The following WDFY2 variants were observed in gnomAD, a reference collection of about 807,000 sequenced individuals.
WDFY2 encodes the protein WD repeat and FYVE domain-containing protein 2.
In WDFY2, 36 loss-of-function variants were observed where a neutral mutation model predicts 56.4. That is an observed-to-expected ratio of 0.64 (90% CI 0.49 to 0.84). The LOEUF is 0.84. Ranked by LOEUF, WDFY2 falls within the 40% of genes least tolerant of loss-of-function variation. The pLI is 0.00. For missense variants in WDFY2, 444 were observed against 512.2 expected (o/e 0.87, Z 1.29); for synonymous variants, 176 against 183.7 (o/e 0.96, Z 0.34).
chr13:51,616,721 T>C (rs1005164900), intron 1 of WDFY2, among the ~76,000 whole-genome samples: 5 of 152,208 alleles, frequency 3.3e-5, no homozygotes, highest in African/African-American at 9.6e-5. Flanking sequence ...TGGTCGTGGC[T>C]AAATTTAAGG....
At chr13:51,681,224 C>T (rs531893630) in intron 3 of WDFY2, among the ~76,000 whole-genome samples, 95 of 152,266 alleles carry the variant, frequency 6.2e-4, no homozygotes, top group African/African-American at 2.2e-3. Context: ...CCTTAATCAG[C>T]TTCAAAACAG....
At chr13:51,686,248 G>A (rs2138530086) in intron 3 of WDFY2, among the ~76,000 whole-genome samples, 1 of 152,154 alleles carries the variant, frequency 6.6e-6, no homozygotes, top group South Asian at 2.1e-4. Context: ...ATACTCCTCA[G>A]TTTACTCACT....
At chr13:51,603,904 G>T (rs1954334753) in intron 1 of WDFY2, among the ~76,000 whole-genome samples, 2 of 152,200 alleles carry the variant, frequency 1.3e-5, no homozygotes, top group South Asian at 4.1e-4. Flanking sequence ...GCTTTACCTG[G>T]GTATCAGAAA....
At chr13:51,636,957 A>G (rs1257331622) in intron 1 of WDFY2, among the ~76,000 whole-genome samples, 1 of 152,262 alleles carries the variant, frequency 6.6e-6, no homozygotes, top group Non-Finnish European at 1.5e-5. Context: ...CAGATCATAG[A>G]CTTAAATGTA....
intron 3 of WDFY2, among the ~76,000 whole-genome samples, 165 bp downstream of exon 3, chr13:51,675,408 A>C (rs1955869540): frequency 6.6e-6 from 1 of 152,186 alleles, no homozygotes; most frequent in Non-Finnish European, 1.5e-5. Flanking sequence ...TAATGTAGGG[A>C]GAGCTATCAT....
At chr13:51,754,258 CCAAA>C (rs758782121) in intron 8 of WDFY2, among the ~76,000 whole-genome samples, 3 of 152,054 alleles carry the variant, frequency 2.0e-5, no homozygotes, top group Admixed American at 6.6e-5. Context: ...TCTCTGTTTC[CCAAA>C]CAAAGGGCGT....
intron 1 of WDFY2, chr13:51,587,155 A>C (rs544644138): frequency 6.6e-6 from 1 of 152,320 alleles, no homozygotes; most frequent in South Asian, 2.1e-4. Flanking sequence ...GTGTTCCATA[A>C]ATTCTTAATG....
At chr13:51,694,132 T>C (rs1438835107) in intron 3 of WDFY2, among the ~76,000 whole-genome samples, 2 of 152,210 alleles carry the variant, frequency 1.3e-5, no homozygotes, top group African/African-American at 4.8e-5. Flanking sequence ...CTTGACTCTT[T>C]ATCCAATTTG....
At chr13:51,619,147 A>G (rs1256902330) in intron 1 of WDFY2, among the ~76,000 whole-genome samples, 1 of 152,234 alleles carries the variant, frequency 6.6e-6, no homozygotes, top group Non-Finnish European at 1.5e-5. Flanking sequence ...TCCATCTTCA[A>G]AAACAGGCAA....
intron 1 of WDFY2, among the ~76,000 whole-genome samples, chr13:51,630,933 C>T (rs1954939986): frequency 6.6e-6 from 1 of 151,498 alleles, no homozygotes; most frequent in Non-Finnish European, 1.5e-5. Flanking sequence ...TGTGTGCCAC[C>T]ACGCCCAGCT....
chr13:51,642,028 A>T (rs1185001130), intron 1 of WDFY2, among the ~76,000 whole-genome samples: 1 of 152,020 alleles, frequency 6.6e-6, no homozygotes, highest in African/African-American at 2.4e-5. Flanking sequence ...AATTTATCTA[A>T]GAGTCTGAGA....
intron 3 of WDFY2, among the ~76,000 whole-genome samples, chr13:51,682,896 C>T (rs1956001909): frequency 6.6e-6 from 1 of 152,136 alleles, no homozygotes; most frequent in African/African-American, 2.4e-5. Flanking sequence ...TGGCATATTC[C>T]TTAGGACTAT....
At chr13:51,749,965 C>T (rs1207925341) in intron 7 of WDFY2, among the ~76,000 whole-genome samples, 1 of 152,118 alleles carries the variant, frequency 6.6e-6, no homozygotes, top group African/African-American at 2.4e-5. Context: ...GTTCACTTGA[C>T]CAGCTATCCT....
chr13:51,585,063 C>G (rs1001341990), intron 1 of WDFY2, among the ~76,000 whole-genome samples: 1 of 152,228 alleles, frequency 6.6e-6, no homozygotes, highest in African/African-American at 2.4e-5. Flanking sequence ...CTGGGTAGTG[C>G]CTGCGGGAGC....
rs1424018630 is a variant in WDFY2, at chr13:51,762,613, C to T, written c.*2844C>T. 1 of 152,188 alleles carries T rather than the reference C, an allele frequency of 6.6e-6. No individual in the cohort carries two copies. The highest frequency in any genetic ancestry group is 1.5e-5 in the Non-Finnish European group (1 of 68,038). The allele number at this position is 152,188 out of a possible 1,614,324, so 9.4% of individuals were successfully genotyped here. A position where few individuals can be genotyped will look rare whatever the true frequency, so the allele number is the denominator to read the frequency against. On this transcript the variant is annotated 3_prime_UTR_variant, in exon 12 of 12. Transcript: ENST00000298125. ...ATATGTGCTGGTGTTGGGTGTCTTC[C>T]AAGCATTTTATGGAAATGGAGGCTC...
At position 51,765,955 on chromosome 13, in the gene WDFY2, G is replaced by C. The variant is rs966287970; in HGVS notation, c.*6186G>C. ...AAAGTTAGATTGAGAATCTGACCTT[G>C]TTACTTATGATTCTTTTTTCCCTTG... On this transcript the variant is annotated 3_prime_UTR_variant, in exon 12 of 12. Coordinates refer to ENST00000298125, the MANE Select transcript of WDFY2 (RefSeq NM_052950.4). 1.3e-5 allele frequency: 2 copies of C among 152,102 alleles called. No homozygotes were observed. Among genetic ancestry groups the C allele is most frequent in the Non-Finnish European group, 2.9e-5 (2 of 68,028 alleles). The allele number at this position is 152,102 out of a possible 1,614,324, so 9.4% of individuals were successfully genotyped here. A position where few individuals can be genotyped will look rare whatever the true frequency, so the allele number is the denominator to read the frequency against.
intron 2 of WDFY2, among the ~76,000 whole-genome samples, chr13:51,661,879 T>C (rs961721007): frequency 6.6e-6 from 1 of 152,210 alleles, no homozygotes; most frequent in African/African-American, 2.4e-5. Flanking sequence ...CAAGCTGAAC[T>C]TTCTTTTTAA....
intron 1 of WDFY2, among the ~76,000 whole-genome samples, chr13:51,599,884 C>A (rs1159525346): frequency 1.3e-5 from 2 of 149,178 alleles, no homozygotes; most frequent in Admixed American, 1.3e-4. Context: ...AACTACAAAA[C>A]AAACAAACAA....
chr13:51,667,161 GTT>G (rs1955718468), intron 2 of WDFY2, among the ~76,000 whole-genome samples: 1 of 152,144 alleles, frequency 6.6e-6, no homozygotes, highest in Non-Finnish European at 1.5e-5. Context: ...GGTTCTTGAT[GTT>G]TAACAATATT....
Sources: gnomAD v4.1 joint callset for allele counts (sites outside exome capture counted in the v4.1 genomes callset) on GRCh38, gnomAD v4.1.1 for gene constraint, MANE v1.5 for transcripts, NCBI Gene and HGNC (gene_info 2026-07-23, HGNC 2026-07-21) for gene names.